The following LMBR1 variants were observed in gnomAD, a reference collection of about 807,000 sequenced individuals.
LMBR1 encodes the protein limb region 1 protein homolog.
In LMBR1, 52 loss-of-function variants were observed where a neutral mutation model predicts 73.9. The ratio of observed to expected loss-of-function variants is 0.70; its 90% CI spans 0.56 to 0.89. The LOEUF (loss-of-function observed/expected upper bound fraction) is 0.89, where lower values mean the gene tolerates loss of function less well. Among genes scored for constraint, LMBR1 ranks in the 40% least tolerant of loss-of-function variants. The pLI is 0.00. For synonymous variants in LMBR1, 215 were observed against 209.4 expected (o/e 1.03, Z -0.23); for missense variants, 539 against 579.8 (o/e 0.93, Z 0.72).
At position 156,670,255 on chromosome 7, in the gene LMBR1, C is replaced by T. The variant is rs184043284; in HGVS notation, n.867-968G>A. ...CAGAGGAGCTGGATGCTAAGCACGG[C>T]TGGCTCTACTGTTTTGACTTTGGCT... On this transcript the variant is annotated intron_variant and non_coding_transcript_variant, in intron 4 of 4. Coordinates refer to the LMBR1 transcript ENST00000430825. This position sits in a 1 kb window ranked among gnomAD's most constrained non-coding sequence, Gnocchi z 4.3. Among the ~76,000 whole-genome samples the T allele has an allele frequency of 8.3e-4, 127 of 152,322 alleles. No individual in the cohort carries two copies. The East Asian group carries it at 0.017, about 20-fold the overall frequency.
chr7:156,853,642 T>C (rs1226735658), intron 1 of LMBR1, among the ~76,000 whole-genome samples: 1 of 152,130 alleles, frequency 6.6e-6, no homozygotes, highest in South Asian at 2.1e-4. Context: ...AGTCACCACA[T>C]AGAATAAAGC....
At chr7:156,889,243 A>G (rs918283215) in intron 1 of LMBR1, among the ~76,000 whole-genome samples, 1 of 152,174 alleles carries the variant, frequency 6.6e-6, no homozygotes, top group African/African-American at 2.4e-5. Flanking sequence ...TTACTGTTTC[A>G]TGGGTATCAA....
At chr7:156,857,034 A>C (rs1358812836) in intron 1 of LMBR1, among the ~76,000 whole-genome samples, 3 of 152,204 alleles carry the variant, frequency 2.0e-5, no homozygotes, top group Non-Finnish European at 4.4e-5. Context: ...TGATATGCTA[A>C]GAGAGGAAAG....
intron 4 of LMBR1, among the ~76,000 whole-genome samples, chr7:156,798,119 G>A (rs1012129479): frequency 2.6e-5 from 4 of 152,276 alleles, no homozygotes; most frequent in South Asian, 2.1e-4. Context: ...CTGGGTGCAC[G>A]TCCTGCTGCA....
intron 1 of LMBR1, among the ~76,000 whole-genome samples, chr7:156,879,481 G>A (rs1258222927): frequency 2.6e-5 from 4 of 152,070 alleles, no homozygotes; most frequent in Non-Finnish European, 4.4e-5. Context: ...TGGCTAACAT[G>A]GTGAAACCCC....
At chr7:156,869,316 GA>G (rs199732263) in intron 1 of LMBR1, among the ~76,000 whole-genome samples, 1,855 of 150,120 alleles carry the variant, frequency 0.012, 16 homozygotes, top group Non-Finnish European at 0.019. Context: ...ACGTGAAGAA[GA>G]AAAAAAAAGC....
At chr7:156,831,537 G>A (rs1836696947) in intron 3 of LMBR1, among the ~76,000 whole-genome samples, 2 of 152,074 alleles carry the variant, frequency 1.3e-5, no homozygotes, top group African/African-American at 4.8e-5. Context: ...CTCCTCAGGT[G>A]ACCCTCTTCC....
chr7:156,706,222 T>C (rs1810910365), intron 15 of LMBR1, among the ~76,000 whole-genome samples: 2 of 147,142 alleles, frequency 1.4e-5, no homozygotes, highest in Admixed American at 1.4e-4. Context: ...AGCAAGAGGA[T>C]ATAACAATAC....
chr7:156,690,126 C>T (rs901305245), intron 15 of LMBR1, among the ~76,000 whole-genome samples: 1 of 152,184 alleles, frequency 6.6e-6, no homozygotes, highest in Non-Finnish European at 1.5e-5. Flanking sequence ...ATGCTCTATA[C>T]CAGTCTTACC....
intron 5 of LMBR1, chr7:156,779,689 G>T (rs764197539): frequency 3.7e-5 from 47 of 1,286,202 alleles, no homozygotes; most frequent in Non-Finnish European, 4.6e-5. Context: ...TGTTTCTATG[G>T]TGATGAACAT....
At chr7:156,831,149 A>AT (rs1389830338) in intron 3 of LMBR1, among the ~76,000 whole-genome samples, 1 of 152,138 alleles carries the variant, frequency 6.6e-6, no homozygotes, top group Admixed American at 6.5e-5. Context: ...AAAACTAAAT[A>AT]AGGTGAGAGT....
intron 15 of LMBR1, among the ~76,000 whole-genome samples, chr7:156,719,178 C>G (rs569093710): frequency 1.6e-4 from 23 of 142,762 alleles, no homozygotes; most frequent in East Asian, 2.2e-4. Flanking sequence ...TCCCCTTCCT[C>G]TGTCCATGTG....
intron 4 of LMBR1, among the ~76,000 whole-genome samples, chr7:156,812,124 C>G (rs561031490): frequency 3.3e-5 from 5 of 152,296 alleles, no homozygotes; most frequent in African/African-American, 1.2e-4. Flanking sequence ...AATAAGTTCA[C>G]ATCCTGATGT....
At chr7:156,783,509 T>C (rs1021586370) in intron 5 of LMBR1, among the ~76,000 whole-genome samples, 2 of 152,336 alleles carry the variant, frequency 1.3e-5, no homozygotes, top group African/African-American at 4.8e-5. Context: ...TTTGTTTCCA[T>C]TATTGTTTCC....
intron 5 of LMBR1, among the ~76,000 whole-genome samples, chr7:156,792,423 T>C (rs1829379516): frequency 6.6e-6 from 1 of 152,206 alleles, no homozygotes; most frequent in Non-Finnish European, 1.5e-5. Flanking sequence ...CTAAATTTGG[T>C]AAACATTTAA....
intron 15 of LMBR1, among the ~76,000 whole-genome samples, chr7:156,709,516 A>G (rs1246653461): frequency 6.6e-6 from 1 of 152,212 alleles, no homozygotes; most frequent in Non-Finnish European, 1.5e-5. Context: ...AGACCCGAAG[A>G]CAGACCACAT....
chr7:156,722,344 C>T (rs1217706528), intron 15 of LMBR1, among the ~76,000 whole-genome samples: 2 of 152,140 alleles, frequency 1.3e-5, no homozygotes, highest in African/African-American at 4.8e-5. Flanking sequence ...TCCTGTTATA[C>T]ACTAGGATAA....
At chr7:156,723,029 A>G (rs1189246524) in intron 15 of LMBR1, among the ~76,000 whole-genome samples, 3 of 152,160 alleles carry the variant, frequency 2.0e-5, no homozygotes, top group Non-Finnish European at 2.9e-5. Context: ...TGGCATTTTC[A>G]AGATTCACAT....
At position 156,893,045 on chromosome 7, in the gene LMBR1, C is replaced by T. The variant is rs1046061509; in HGVS notation, c.-52G>A. The T allele has an allele frequency of 7.1e-7, 1 of 1,408,298 alleles. No homozygotes were observed. Among genetic ancestry groups the T allele is most frequent in the South Asian group, 1.5e-5 (1 of 65,062 alleles). 87.2% of individuals were successfully genotyped at this position (1,408,298 alleles called of 1,614,324 possible). The stretch of plus-strand genomic sequence containing the variant: ...CCCGCGTCCGCGTGCTCCGCCACAC[C>T]ATCGTCCGCCCGCCGCAGGGGCTCG... On this transcript the variant is annotated 5_prime_UTR_variant, in exon 1 of 17. The change abolishes an upstream ATG in the 5' untranslated region. Transcript: ENST00000353442.
Sources: allele counts gnomAD v4.1 joint callset (sites outside exome capture counted in the v4.1 genomes callset), GRCh38; gene constraint gnomAD v4.1.1; non-coding constraint Gnocchi (gnomAD v3.1); transcripts MANE v1.5; gene names NCBI Gene and HGNC (gene_info 2026-07-23, HGNC 2026-07-21).